Variants in PTPRD observed in about 807,000 individuals in gnomAD.
PTPRD encodes receptor-type tyrosine-protein phosphatase delta.
PTPRD carries 34 observed loss-of-function variants against 214.5 expected under a neutral mutation model. The observed-to-expected ratio is 0.16, with a 90% CI of 0.12 to 0.21. The LOEUF (loss-of-function observed/expected upper bound fraction) is 0.21, where lower values mean the gene tolerates loss of function less well. Among genes scored for constraint, PTPRD ranks in the 10% least tolerant of loss-of-function variants. The pLI is 1.00. For missense variants in PTPRD, 2,545 were observed against 2,398.7 expected, an observed-to-expected ratio of 1.06 and a Z score of -1.27; for synonymous variants, 1,128 against 845.7, an observed-to-expected ratio of 1.33 and a Z score of -5.79.
At chr9:9,210,730 C>A (rs1323000235) in intron 9 of PTPRD, among the ~76,000 whole-genome samples, 1 of 152,090 alleles carries the variant, frequency 6.6e-6, no homozygotes. Context: ...CTTGCCACAT[C>A]CTAAACATCT....
intron 8 of PTPRD, among the ~76,000 whole-genome samples, chr9:9,561,978 A>G (rs1192674921): frequency 6.6e-6 from 1 of 152,082 alleles, no homozygotes; most frequent in Non-Finnish European, 1.5e-5. Context: ...CACTTTTTTA[A>G]TCTTCTGGAC....
At chr9:8,428,036 T>C (rs959050539) in intron 35 of PTPRD, among the ~76,000 whole-genome samples, 1 of 152,202 alleles carries the variant, frequency 6.6e-6, no homozygotes, top group Non-Finnish European at 1.5e-5. Context: ...TGCTTCTTTA[T>C]ATAGAGATGA....
chr9:9,905,154 CA>C lies in PTPRD; in HGVS notation c.-368+33352del, dbSNP rs1372220480. 7.2e-5 allele frequency among the ~76,000 whole-genome samples: 11 copies of C among 152,054 alleles called. No homozygotes were observed. In the South Asian group the frequency reaches 1.5e-3, roughly 20 times the overall value. ...CAATTTAGTTCGTACTTGAACACGA[CA>C]TTTTTTTTCAAAGTTCTTTCTAGAC... On this transcript the variant is annotated intron_variant, in intron 5 of 45. Transcript: ENST00000381196.
At chr9:9,901,628 C>G (rs896619208) in intron 5 of PTPRD, among the ~76,000 whole-genome samples, 1 of 152,014 alleles carries the variant, frequency 6.6e-6, no homozygotes, top group Non-Finnish European at 1.5e-5. Flanking sequence ...AATCTGACTT[C>G]TTTCTTTCTC....
intron 14 of PTPRD, among the ~76,000 whole-genome samples, chr9:8,587,232 T>A (rs747798975): frequency 1.4e-4 from 22 of 152,214 alleles, no homozygotes; most frequent in Non-Finnish European, 2.9e-4. Context: ...TTTTATTTAT[T>A]CAACTACTTA....
intron 2 of PTPRD, among the ~76,000 whole-genome samples, chr9:10,414,426 A>T (rs970021686): frequency 2.0e-5 from 3 of 151,978 alleles, no homozygotes; most frequent in Non-Finnish European, 2.9e-5. Flanking sequence ...ATTATTAAAA[A>T]GTCAAAACAT....
At chr9:8,920,733 G>C (rs953375559) in intron 11 of PTPRD, among the ~76,000 whole-genome samples, 1 of 152,190 alleles carries the variant, frequency 6.6e-6, no homozygotes, top group Non-Finnish European at 1.5e-5. Flanking sequence ...ACACGCAATT[G>C]ATATAAGACA....
chr9:9,037,920 G>C (rs904038837), intron 10 of PTPRD, among the ~76,000 whole-genome samples: 1 of 152,148 alleles, frequency 6.6e-6, no homozygotes, highest in South Asian at 2.1e-4. Context: ...TTAGCATCTG[G>C]TTTGAGCCAT....
chr9:9,083,594 C>G (rs2099762380), intron 10 of PTPRD, among the ~76,000 whole-genome samples: 1 of 152,020 alleles, frequency 6.6e-6, no homozygotes, highest in Non-Finnish European at 1.5e-5. Flanking sequence ...GCAAAAGAAA[C>G]TATCATCAGA....
intron 9 of PTPRD, among the ~76,000 whole-genome samples, chr9:9,330,699 T>C (rs1023876237): frequency 4.6e-5 from 7 of 151,914 alleles, no homozygotes; most frequent in Admixed American, 2.0e-4. Flanking sequence ...TACCCTTAAA[T>C]GGAACAAACT....
chr9:10,464,205 C>A (rs1200594546), intron 2 of PTPRD, among the ~76,000 whole-genome samples: 1 of 152,012 alleles, frequency 6.6e-6, no homozygotes, highest in Non-Finnish European at 1.5e-5. Context: ...TCAGACCAGC[C>A]TGACCAACAT....
At chr9:8,781,367 A>G (rs2095688956) in intron 11 of PTPRD, among the ~76,000 whole-genome samples, 1 of 152,176 alleles carries the variant, frequency 6.6e-6, no homozygotes, top group Non-Finnish European at 1.5e-5. Context: ...TTGAGTGAAA[A>G]TTACCAGTTC....
chr9:9,605,572 T>C (rs1363405528), intron 7 of PTPRD, among the ~76,000 whole-genome samples: 2 of 152,100 alleles, frequency 1.3e-5, no homozygotes, highest in African/African-American at 4.8e-5. Context: ...CTTTAACTTG[T>C]AGGCAATGAG....
chr9:8,583,541 T>C (rs1165082131), intron 14 of PTPRD, among the ~76,000 whole-genome samples: 1 of 152,200 alleles, frequency 6.6e-6, no homozygotes, highest in African/African-American at 2.4e-5. Flanking sequence ...AAAATCATGT[T>C]GAAGAATGAT....
intron 3 of PTPRD, among the ~76,000 whole-genome samples, chr9:10,249,909 TTAAA>T (rs2092613001): frequency 6.6e-6 from 1 of 152,118 alleles, no homozygotes; most frequent in African/African-American, 2.4e-5. Context: ...AATAAAGCGC[TTAAA>T]TATTTTCCTC....
intron 3 of PTPRD, among the ~76,000 whole-genome samples, chr9:10,050,496 G>A (rs956028045): frequency 7.2e-6 from 1 of 139,504 alleles, no homozygotes; most frequent in East Asian, 2.2e-4. Context: ...GGAGGTGGAG[G>A]TTGCAGTGAG....
intron 7 of PTPRD, among the ~76,000 whole-genome samples, chr9:9,630,856 G>C (rs568511187): frequency 1.3e-5 from 2 of 152,100 alleles, no homozygotes; most frequent in Non-Finnish European, 2.9e-5. Context: ...GACGTAGAAT[G>C]TACTTATATG....
At chr9:9,747,897 G>A (rs954986653) in intron 6 of PTPRD, among the ~76,000 whole-genome samples, 13 of 152,030 alleles carry the variant, frequency 8.6e-5, no homozygotes, top group South Asian at 2.1e-4. Context: ...CAGTATGGCC[G>A]GAATGTTTCA....
intron 11 of PTPRD, among the ~76,000 whole-genome samples, chr9:8,969,702 G>T (rs1288331013): frequency 2.0e-5 from 3 of 151,826 alleles, no homozygotes; most frequent in Non-Finnish European, 2.9e-5. Flanking sequence ...ATAAATGGAT[G>T]GATCGATGGG....
Sources: allele counts gnomAD v4.1 joint callset (sites outside exome capture counted in the v4.1 genomes callset), GRCh38; gene constraint gnomAD v4.1.1; transcripts MANE v1.5; gene names NCBI Gene and HGNC (gene_info 2026-07-23, HGNC 2026-07-21).